Variants in NKX2-2 observed in about 807,000 individuals in gnomAD.
NKX2-2 encodes the protein homeobox protein Nkx-2.2.
A neutral mutation model predicts 24.6 loss-of-function variants in NKX2-2; 8 were observed. The observed-to-expected ratio is 0.32, with a 90% confidence interval of 0.19 to 0.59. The LOEUF is 0.59. NKX2-2 is among the 20% of genes least tolerant of loss of function. NKX2-2 has a pLI of 0.86. For missense variants in NKX2-2, 381 were observed against 373.9 expected (o/e 1.02, Z -0.16); for synonymous variants, 217 against 173.3 (o/e 1.25, Z -1.98).
chr20:21,517,005 C>A (rs1980657387), upstream of NKX2-2, among the ~76,000 whole-genome samples: 1 of 152,212 alleles, frequency 6.6e-6, no homozygotes. Context: ...CCCGTGGGAG[C>A]CTGCAAGGTC....
upstream of NKX2-2, among the ~76,000 whole-genome samples, chr20:21,519,058 G>A (rs1382709597): frequency 6.6e-6 from 1 of 152,130 alleles, no homozygotes; most frequent in East Asian, 1.9e-4. Context: ...CTAAAGAGGG[G>A]GCGACCTTGA....
upstream of NKX2-2, among the ~76,000 whole-genome samples, chr20:21,515,191 C>T (rs542638136): frequency 8.7e-4 from 133 of 152,162 alleles, no homozygotes; most frequent in Middle Eastern, 0.024. Context: ...CTCTATTATC[C>T]CTCCCTCTCC....
chr20:21,517,312 T>C (rs1417127411), upstream of NKX2-2, among the ~76,000 whole-genome samples: 1 of 152,142 alleles, frequency 6.6e-6, no homozygotes. Context: ...TCTTCCAGTT[T>C]TTATTTCCCC....
In NKX2-2 at chr20:21,511,909, C is replaced by T; in HGVS notation, c.*14G>A. ...GGCCTGGGCCTGGGGCCGCGAGTCT[C>T]GTTGGGGCGGCGCTCACCAAGTCCA... On this transcript the variant is annotated 3_prime_UTR_variant, in exon 2 of 2. Coordinates refer to ENST00000377142, the MANE Select transcript of NKX2-2 (RefSeq NM_002509.4). 3 of 1,561,794 alleles carry T rather than the reference C, an allele frequency of 1.9e-6. No homozygotes were observed. The highest frequency in any genetic ancestry group is 1.2e-5 in the South Asian group (1 of 85,980).
chr20:21,513,698 A>G lies in NKX2-2; in HGVS notation c.-29T>C. 7.7e-7 allele frequency: 1 copy of G among 1,291,756 alleles called. No individual in the cohort carries two copies. Among genetic ancestry groups the G allele is most frequent in the Non-Finnish European group, 1.0e-6 (1 of 996,950 alleles). 80.0% of individuals were successfully genotyped at this position (1,291,756 alleles called of 1,614,324 possible). A position where few individuals can be genotyped will look rare whatever the true frequency, so the allele number is the denominator to read the frequency against. Reference sequence around the variant, plus strand: ...TCGAGACCCCAAAATTTATGTCGCAAAGTTGTAGCTTCACTTGGTCAATTC... The same window carrying G: ...TCGAGACCCCAAAATTTATGTCGCAGAGTTGTAGCTTCACTTGGTCAATTC... On this transcript the variant is annotated 5_prime_UTR_variant, in exon 1 of 2. Coordinates refer to ENST00000377142, the MANE Select transcript of NKX2-2 (RefSeq NM_002509.4). The surrounding 1 kb of genome is among the most constrained non-coding windows in gnomAD (Gnocchi z 4.6).
At position 21,513,003 on chromosome 20, in the gene NKX2-2, C is replaced by T. The variant is rs1303299673; in HGVS notation, c.259+408G>A. Among the ~76,000 whole-genome samples the T allele has an allele frequency of 1.3e-5, 2 of 152,126 alleles. No individual in the cohort carries two copies. Among genetic ancestry groups the T allele is most frequent in the African/African-American group, 4.8e-5 (2 of 41,446 alleles). On this transcript the variant is annotated intron_variant, in intron 1 of 1. Transcript: ENST00000377142. This position sits in a 1 kb window ranked among gnomAD's most constrained non-coding sequence, Gnocchi z 4.6. ...GGTGAGCTATTTATACCCGGGCCAC[C>T]CGAAGCCTCCCCACCCTCCACCCGT...
In NKX2-2 at chr20:21,513,893, GTCT is replaced by G. The variant is rs1980536167; in HGVS notation, c.-227_-225del. 5.5e-6 allele frequency: 2 copies of G among 361,770 alleles called. No homozygotes were observed. The highest frequency in any genetic ancestry group is 9.8e-6 in the Non-Finnish European group (2 of 204,862). The allele number at this position is 361,770 out of a possible 1,614,324, so 22.4% of individuals were successfully genotyped here. A position where few individuals can be genotyped will look rare whatever the true frequency, so the allele number is the denominator to read the frequency against. ...GAAGCCCAACCCAGTGCCTCTCTCT[GTCT>G]TCTTTGAAAGCACGCGGAAATGGAC... On this transcript the variant is annotated 5_prime_UTR_variant, in exon 1 of 2. Transcript: ENST00000377142. This position sits in a 1 kb window ranked among gnomAD's most constrained non-coding sequence, Gnocchi z 4.6.
Position 21,511,715 on chromosome 20 carries a change from TGGGCA to T in NKX2-2, c.*203_*207del. ...CTCCCAAGGTTCAGAAGGAGAGGCATGGGCAGAGCTGGGTGGGTGGAATCTGCCAC... is the reference window on the plus strand; with the variant it reads ...CTCCCAAGGTTCAGAAGGAGAGGCATGAGCTGGGTGGGTGGAATCTGCCAC... On this transcript the variant is annotated 3_prime_UTR_variant, in exon 2 of 2. Transcript: ENST00000377142. 2.2e-6 allele frequency: 1 copy of T among 452,746 alleles called. No homozygotes were observed. Among genetic ancestry groups the T allele is most frequent in the East Asian group, 3.3e-5 (1 of 30,480 alleles). 28.0% of individuals were successfully genotyped at this position (452,746 alleles called of 1,614,324 possible). A position where few individuals can be genotyped will look rare whatever the true frequency, so the allele number is the denominator to read the frequency against.
chr20:21,514,976 C>T (rs1482811906), upstream of NKX2-2, among the ~76,000 whole-genome samples: 3 of 151,730 alleles, frequency 2.0e-5, no homozygotes. Context: ...CCACCTCCCA[C>T]CCCCAACCCC....
chr20:21,512,494 AG>A lies in NKX2-2; in HGVS notation c.260-10del, dbSNP rs764191656. 2.1e-5 allele frequency: 32 copies of A among 1,537,060 alleles called. 1 individual carries two copies. In the South Asian group the frequency reaches 3.4e-4, roughly 16 times the overall value. On this transcript the variant is annotated splice_polypyrimidine_tract_variant and intron_variant, in intron 1 of 1. Coordinates refer to ENST00000377142, the MANE Select transcript of NKX2-2 (RefSeq NM_002509.4). The stretch of plus-strand genomic sequence containing the variant: ...GGCAGCCAGACCGTGCACTGGGGGG[AG>A]GGGGAGAGAGAAGCGCGTCAGGCGT...
At chr20:21,515,491 C>T (rs1453961953), upstream of NKX2-2, among the ~76,000 whole-genome samples, 2 of 152,092 alleles carry the variant, frequency 1.3e-5, no homozygotes, top group Admixed American at 6.5e-5. Flanking sequence ...CAGCCACTCT[C>T]GGCTCTGGGA....
In NKX2-2 at chr20:21,512,121, C is replaced by T; in HGVS notation, c.624G>A (p.Leu208=). ...PSPRRVAVPV[L]VRDGKPCHAL... ...CGTGACATGGTTTGCCGTCCCTGACCAAGACGGGCACGGCCACCCGGCGCG... is the reference window on the plus strand; with the variant it reads ...CGTGACATGGTTTGCCGTCCCTGACTAAGACGGGCACGGCCACCCGGCGCG... The change falls in exon 2 of 2, where the codon TTG becomes TTA. Residue 208 remains leucine (L), a synonymous_variant. Coordinates refer to ENST00000377142, the MANE Select transcript of NKX2-2 (RefSeq NM_002509.4). 6.2e-7 allele frequency: 1 copy of T among 1,613,760 alleles called. No homozygotes were observed. The highest frequency in any genetic ancestry group is 8.5e-7 in the Non-Finnish European group (1 of 1,179,904).
At chr20:21,519,745 C>T in the NKX2-2 span, among the ~76,000 whole-genome samples, 1 of 152,166 alleles carries the variant, frequency 6.6e-6, no homozygotes, top group African/African-American at 2.4e-5. Flanking sequence ...CATCCCAGCT[C>T]CAATTGCCCT....
At chr20:21,516,654 C>T (rs1460983089), upstream of NKX2-2, among the ~76,000 whole-genome samples, 3 of 152,160 alleles carry the variant, frequency 2.0e-5, no homozygotes, top group Non-Finnish European at 2.9e-5. Flanking sequence ...TGTTCCTCCT[C>T]TTATTCCTCA....
chr20:21,511,827 A>G lies in NKX2-2; in HGVS notation c.*96T>C, dbSNP rs1188083521. The G allele has an allele frequency of 7.0e-6, 6 of 857,096 alleles. No homozygotes were observed. Among genetic ancestry groups the G allele is most frequent in the African/African-American group, 3.4e-5 (2 of 58,156 alleles). The allele number at this position is 857,096 out of a possible 1,614,324, so 53.1% of individuals were successfully genotyped here. ...CGACTCCATAATAATAATTATAATA[A>G]TAATAATAACCACCATAAGGACCGA... On this transcript the variant is annotated 3_prime_UTR_variant, in exon 2 of 2. Coordinates refer to ENST00000377142, the MANE Select transcript of NKX2-2 (RefSeq NM_002509.4).
At chr20:21,514,306 G>C (rs920661289), upstream of NKX2-2, among the ~76,000 whole-genome samples, 1 of 152,148 alleles carries the variant, frequency 6.6e-6, no homozygotes. Flanking sequence ...ATGTGAAATT[G>C]TGGGTTTTGG....
At chr20:21,516,441 C>G (rs891510416), upstream of NKX2-2, among the ~76,000 whole-genome samples, 8 of 151,832 alleles carry the variant, frequency 5.3e-5, no homozygotes, top group African/African-American at 1.7e-4. Context: ...CAGCGCCCCC[C>G]CTCCTCCGCC....
Position 21,512,235 on chromosome 20 carries a change from C to T in NKX2-2, c.510G>A (p.Thr170=). The change falls in exon 2 of 2, where the codon ACG becomes ACA. Residue 170 remains threonine, a synonymous_variant. Coordinates refer to ENST00000377142, the MANE Select transcript of NKX2-2 (RefSeq NM_002509.4). ...HLASLIRLTP[T]QVKIWFQNHR... ...GGTTCTGGAACCAGATCTTGACCTG[C>T]GTGGGCGTGAGGCGGATGAGGCTGG... 1 of 1,614,004 alleles carries T rather than the reference C, an allele frequency of 6.2e-7. No homozygotes were observed. The highest frequency in any genetic ancestry group is 8.5e-7 in the Non-Finnish European group (1 of 1,179,948).
At chr20:21,516,330 T>C (rs1199094552), upstream of NKX2-2, among the ~76,000 whole-genome samples, 2 of 151,286 alleles carry the variant, frequency 1.3e-5, no homozygotes, top group East Asian at 3.9e-4. Flanking sequence ...CCCCCTTTTT[T>C]CCCCTGGAAG....
Sources: allele counts gnomAD v4.1 joint callset (sites outside exome capture counted in the v4.1 genomes callset), GRCh38; gene constraint gnomAD v4.1.1; non-coding constraint Gnocchi (gnomAD v3.1); transcripts MANE v1.5; gene names NCBI Gene and HGNC (gene_info 2026-07-23, HGNC 2026-07-21).